Variants in MZT2A observed in about 807,000 individuals in gnomAD.
MZT2A encodes the protein mitotic spindle organizing protein 2A, also known as mitotic-spindle organizing protein 2A.
MZT2A carries 8 observed loss-of-function variants against 12.4 expected under a neutral mutation model. The ratio of observed to expected loss-of-function variants is 0.64; its 90% CI spans 0.38 to 1.16. The LOEUF (loss-of-function observed/expected upper bound fraction) is 1.16. MZT2A is among the 50% of genes most tolerant of loss of function. MZT2A has a pLI of 0.01. For missense variants in MZT2A, 181 were observed against 223.6 expected (o/e 0.81, Z 1.22); for synonymous variants, 88 against 107.5 (o/e 0.82, Z 1.12).
At chr2:131,483,312 C>T (rs1374365376), downstream of MZT2A, among the ~76,000 whole-genome samples, 2 of 152,064 alleles carry the variant, frequency 1.3e-5, no homozygotes, top group African/African-American at 2.4e-5. Flanking sequence ...AAGGTCAGGA[C>T]ATTTTAGAGG....
At chr2:131,483,379 C>A (rs1196976351), downstream of MZT2A, among the ~76,000 whole-genome samples, 1 of 152,132 alleles carries the variant, frequency 6.6e-6, no homozygotes, top group Non-Finnish European at 1.5e-5. Flanking sequence ...AAGGTCACAA[C>A]ACACCCATGC....
At chr2:131,479,313 G>A (rs141689125), downstream of MZT2A, 439 of 1,613,890 alleles carry the variant, frequency 2.7e-4, no homozygotes, top group Non-Finnish European at 3.5e-4. Flanking sequence ...TGCAGATGAA[G>A]TGCGCACAGG....
downstream of MZT2A, among the ~76,000 whole-genome samples, chr2:131,479,657 T>C (rs1377520593): frequency 1.3e-5 from 2 of 152,142 alleles, no homozygotes; most frequent in Non-Finnish European, 1.5e-5. Context: ...CTGGCCTACA[T>C]GGTGAAACTC....
intron 2 of MZT2A, chr2:131,478,646 G>C: frequency 4.4e-6 from 3 of 689,572 alleles, no homozygotes; most frequent in South Asian, 4.2e-5. Context: ...TCCCTCGTGC[G>C]TGCCTCAGCC....
downstream of MZT2A, chr2:131,480,385 T>C (rs1167433865): frequency 2.5e-6 from 4 of 1,606,302 alleles, no homozygotes; most frequent in South Asian, 3.3e-5. Context: ...AATCGCCTGA[T>C]TGGGCAGATC....
At chr2:131,493,216 C>G, upstream of MZT2A, 2 of 1,369,158 alleles carry the variant, frequency 1.5e-6, no homozygotes, top group Non-Finnish European at 1.9e-6. Context: ...GAGGCCATCT[C>G]CGTTCCTCCG....
downstream of MZT2A, among the ~76,000 whole-genome samples, chr2:131,481,670 G>C (rs1280296117): frequency 6.6e-6 from 1 of 151,652 alleles, no homozygotes; most frequent in Non-Finnish European, 1.5e-5. Flanking sequence ...CCTGGCCTCA[G>C]GTGATCCACC....
chr2:131,492,890 G>T (rs1378414779), upstream of MZT2A: 1 of 1,505,402 alleles, frequency 6.6e-7, no homozygotes, highest in East Asian at 2.7e-5. Flanking sequence ...CCGCCACAAC[G>T]CAGGCGCATT....
chr2:131,474,860 A>G (rs181387253), intron 2 of MZT2A, among the ~76,000 whole-genome samples: 1 of 152,216 alleles, frequency 6.6e-6, no homozygotes, highest in Admixed American at 6.5e-5. Context: ...CAACTTAGGA[A>G]CTGCCTCTTC....
Position 131,484,238 on chromosome 2 carries a change from A to T in MZT2A, c.320-20T>A. On this transcript the variant is annotated intron_variant, in intron 2 of 2. Transcript: ENST00000309451. The stretch of plus-strand genomic sequence containing the variant: ...CTCTCCCTAAGGAGACACAAAGCAC[A>T]ATGATTAGGAATGGACGCGCCCCAT... The T allele has an allele frequency of 6.2e-7, 1 of 1,610,318 alleles. No individual in the cohort carries two copies. The highest frequency in any genetic ancestry group is 8.5e-7 in the Non-Finnish European group (1 of 1,177,066).
At chr2:131,484,419 G>A (rs1204600739) in intron 2 of MZT2A, among the ~76,000 whole-genome samples, 1 of 152,234 alleles carries the variant, frequency 6.6e-6, no homozygotes, top group Admixed American at 6.5e-5. Flanking sequence ...TTGGCAGTGT[G>A]CAGGGGACCC....
downstream of MZT2A, among the ~76,000 whole-genome samples, chr2:131,482,074 G>A (rs1330584742): frequency 6.6e-6 from 1 of 152,212 alleles, no homozygotes; most frequent in African/African-American, 2.4e-5. Flanking sequence ...GCATTCATAT[G>A]ACCCTTGACC....
chr2:131,483,464 A>G (rs2104730022), downstream of MZT2A, among the ~76,000 whole-genome samples: 1 of 152,284 alleles, frequency 6.6e-6, no homozygotes, highest in East Asian at 1.9e-4. Context: ...CCTGTCCCTC[A>G]GCACTGTCAA....
intron 2 of MZT2A, chr2:131,486,559 C>G (rs1679059345): frequency 1.3e-5 from 2 of 152,200 alleles, no homozygotes; most frequent in South Asian, 2.1e-4. Context: ...GACCCAGTCC[C>G]TTCTGGAAAC....
downstream of MZT2A, chr2:131,480,712 C>T (rs764282010): frequency 1.9e-6 from 3 of 1,612,442 alleles, no homozygotes; most frequent in African/African-American, 4.0e-5. Context: ...ACCAAGCGCA[C>T]CATCCAGTTT....
At chr2:131,492,925 C>T, upstream of MZT2A, 2 of 1,521,670 alleles carry the variant, frequency 1.3e-6, no homozygotes, top group Non-Finnish European at 8.9e-7. Flanking sequence ...TCCCTCCCCC[C>T]GCACTCCTGC....
chr2:131,490,495 C>A, intron 2 of MZT2A: 2 of 1,419,490 alleles, frequency 1.4e-6, no homozygotes, highest in Non-Finnish European at 1.8e-6. Context: ...TTGGTCCTGT[C>A]CCCGGATGCC....
chr2:131,482,892 T>C (rs770493319), downstream of MZT2A: 8 of 1,585,390 alleles, frequency 5.0e-6, no homozygotes, highest in Middle Eastern at 1.7e-4. Flanking sequence ...CCGGGATGGC[T>C]GCTTCCAAGT....
intron 1 of MZT2A, 27 bp from the exon 2 acceptor site, chr2:131,492,051 G>T: frequency 1.9e-6 from 3 of 1,554,902 alleles, no homozygotes; most frequent in Non-Finnish European, 2.6e-6. Context: ...CGGGGCCGGT[G>T]AGCCCTCTCC....
Sources: allele counts gnomAD v4.1 joint callset (sites outside exome capture counted in the v4.1 genomes callset), GRCh38; gene constraint gnomAD v4.1.1; transcripts MANE v1.5; gene names NCBI Gene and HGNC (gene_info 2026-07-23, HGNC 2026-07-21).